CTNNA3: variants seen among roughly 807,000 people sequenced by gnomAD.
The protein encoded by CTNNA3 is catenin alpha-3.
A neutral mutation model predicts 95.7 loss-of-function variants in CTNNA3; 76 were observed. That is an observed-to-expected ratio of 0.79 (90% confidence interval 0.66 to 0.96). CTNNA3 has a LOEUF of 0.96. Ranked by LOEUF, CTNNA3 falls within the 40% of genes least tolerant of loss-of-function variation. CTNNA3 has a pLI of 0.00. For synonymous variants in CTNNA3, 431 were observed against 374.4 expected (o/e 1.15, Z -1.74); for missense variants, 1,191 against 1,089.8 (o/e 1.09, Z -1.31).
At chr10:67,275,438 T>C (rs1022071998) in intron 5 of CTNNA3, among the ~76,000 whole-genome samples, 2 of 152,112 alleles carry the variant, frequency 1.3e-5, no homozygotes, top group African/African-American at 4.8e-5. Context: ...CAGCTACATA[T>C]TACCTGGAGG....
intron 6 of CTNNA3, among the ~76,000 whole-genome samples, chr10:67,203,517 G>A (rs2132217584): frequency 6.6e-6 from 1 of 152,230 alleles, no homozygotes; most frequent in Non-Finnish European, 1.5e-5. Context: ...ATTCTTCCAA[G>A]CATAGATCCA....
At chr10:67,379,403 C>G (rs899957542) in intron 5 of CTNNA3, among the ~76,000 whole-genome samples, 1 of 152,058 alleles carries the variant, frequency 6.6e-6, no homozygotes, top group Non-Finnish European at 1.5e-5. Context: ...ATGCTATGAT[C>G]CTTATGAAAG....
intron 9 of CTNNA3, among the ~76,000 whole-genome samples, chr10:66,758,201 C>A (rs1184798067): frequency 1.3e-5 from 2 of 152,030 alleles, no homozygotes; most frequent in African/African-American, 2.4e-5. Context: ...CTTTCAATGC[C>A]AGGAATGGAG....
chr10:67,281,883 C>T (rs935270683), intron 5 of CTNNA3, among the ~76,000 whole-genome samples: 35 of 152,080 alleles, frequency 2.3e-4, no homozygotes, highest in African/African-American at 8.4e-4. Flanking sequence ...GGAAAAGATC[C>T]TTGGATTATG....
In CTNNA3 at chr10:67,521,858, G is replaced by A. The variant is rs1839997807; in HGVS notation, c.563C>T (p.Ala188Val). The A allele has an allele frequency of 1.9e-6, 3 of 1,613,284 alleles. No homozygotes were observed. In the African/African-American group the frequency reaches 4.0e-5, roughly 22 times the overall value. The change falls in exon 5 of 18, where the codon GCC (alanine) becomes GTC (valine). Residue 188 changes from alanine (A) to valine (V), a missense_variant. Transcript: ENST00000433211. The part of the protein sequence containing the change: ...GKELENLDYL[A>V]FKRQQDLKSP... ...GACTCCTACCTGCTGACGTTTGAAG[G>A]CTAAATAATCCAAATTTTCCAGCTC... is the stretch of plus-strand genomic sequence containing the variant.
chr10:67,592,733 C>A (rs1037079289), intron 3 of CTNNA3, among the ~76,000 whole-genome samples: 9 of 152,084 alleles, frequency 5.9e-5, no homozygotes, highest in African/African-American at 2.2e-4. Flanking sequence ...CCACTGCTAG[C>A]AATAATAAGA....
intron 11 of CTNNA3, among the ~76,000 whole-genome samples, chr10:66,516,056 A>G (rs1843665): frequency 0.53 from 69,326 of 131,830 alleles, 17,883 homozygotes; most frequent in East Asian, 0.83. Flanking sequence ...ACTATGATTA[A>G]TTATCTGGAA....
chr10:66,103,191 T>C lies in CTNNA3; in HGVS notation c.1943A>G (p.His648Arg). The change falls in exon 14 of 18, where the codon CAC (histidine) becomes CGC (arginine). Residue 648 changes from histidine to arginine, a missense_variant. Physicochemically the swap from His to Arg is conservative, Grantham distance 29. Coordinates refer to ENST00000433211, the MANE Select transcript of CTNNA3 (RefSeq NM_013266.4). ...DLEEEHEVRSHTSIQTEGKTD... is the reference protein window; with the variant it reads ...DLEEEHEVRSRTSIQTEGKTD... ...TTTCCCTTCGGTCTGAATGCTGGTG[T>C]GACTGCGGACCTCGTGTTCCTCTTC... 6.2e-7 allele frequency: 1 copy of C among 1,614,116 alleles called. No individual in the cohort carries two copies. Among genetic ancestry groups the C allele is most frequent in the Non-Finnish European group, 8.5e-7 (1 of 1,179,996 alleles).
chr10:66,990,734 T>A (rs1285665681), intron 7 of CTNNA3, among the ~76,000 whole-genome samples: 3 of 152,200 alleles, frequency 2.0e-5, no homozygotes, highest in Admixed American at 2.0e-4. Context: ...TTCATGTAGA[T>A]AATCTGGAAT....
chr10:66,287,162 G>T (rs1470258395), intron 12 of CTNNA3, among the ~76,000 whole-genome samples: 1 of 152,012 alleles, frequency 6.6e-6, no homozygotes. Context: ...AGGCATGGTG[G>T]CATGTGCCTG....
intron 9 of CTNNA3, among the ~76,000 whole-genome samples, chr10:66,649,170 G>A (rs911615435): frequency 6.6e-6 from 1 of 152,116 alleles, no homozygotes; most frequent in African/African-American, 2.4e-5. Flanking sequence ...TGATTTCAGT[G>A]GAGAATGCGA....
Position 67,393,198 on chromosome 10 carries a change from C to T in CTNNA3, c.579+128644G>A, listed in dbSNP as rs184718662. ...AGAAACTGCTGAATTCAAAATCTGC[C>T]AACAATACCATCTGTGTGCTACAGA... On this transcript the variant is annotated intron_variant, in intron 5 of 17. Coordinates refer to ENST00000433211, the MANE Select transcript of CTNNA3 (RefSeq NM_013266.4). Among the ~76,000 whole-genome samples, 29 of 152,156 alleles carry T rather than the reference C, an allele frequency of 1.9e-4. No individual in the cohort carries two copies. In the East Asian group the frequency reaches 5.4e-3, roughly 28 times the overall value.
chr10:67,743,238 T>C (rs1192712911), intron 1 of CTNNA3, among the ~76,000 whole-genome samples: 1 of 151,166 alleles, frequency 6.6e-6, no homozygotes, highest in Non-Finnish European at 1.5e-5. Flanking sequence ...TGAACATTGA[T>C]GCAAAAATCC....
At chr10:67,605,502 G>A (rs989401554) in intron 3 of CTNNA3, among the ~76,000 whole-genome samples, 1 of 152,074 alleles carries the variant, frequency 6.6e-6, no homozygotes, top group Admixed American at 6.5e-5. Flanking sequence ...TACTAAAGGA[G>A]TAGATTTAGA....
intron 1 of CTNNA3, among the ~76,000 whole-genome samples, chr10:67,689,521 G>C (rs577743386): frequency 1.3e-5 from 2 of 152,268 alleles, no homozygotes; most frequent in East Asian, 3.9e-4. Context: ...GAGGCGAGAG[G>C]AAGTTTGTCT....
intron 17 of CTNNA3, among the ~76,000 whole-genome samples, chr10:65,966,132 C>T (rs2077959686): frequency 1.3e-5 from 2 of 152,224 alleles, no homozygotes; most frequent in East Asian, 1.9e-4. Flanking sequence ...TTTTATCATA[C>T]TCCATTTCTG....
At position 65,920,381 on chromosome 10, in the gene CTNNA3, T is replaced by G; in HGVS notation, c.2637A>C (p.Lys879Asn). ...CACTCATGACTTGCAATGGATGGAT[T>G]TTTTTCTTTGCTGAGCCTCGTCTGA... ...AAVRRGSAKK[K>N]IHPLQVMSEF... Residue 879 changes from lysine (K) to asparagine (N), a missense_variant, in exon 18 of 18, where the codon AAA becomes AAC. Physicochemically the swap from Lys to Asn is moderately conservative, Grantham distance 94. Transcript: ENST00000433211. 6.2e-7 allele frequency: 1 copy of G among 1,614,104 alleles called. No individual in the cohort carries two copies. The highest frequency in any genetic ancestry group is 8.5e-7 in the Non-Finnish European group (1 of 1,180,008).
chr10:66,990,352 T>C (rs1850977022), intron 7 of CTNNA3, among the ~76,000 whole-genome samples: 1 of 152,200 alleles, frequency 6.6e-6, no homozygotes, highest in Non-Finnish European at 1.5e-5. Flanking sequence ...TTCTCCTCTA[T>C]GCTGAATTAA....
At chr10:66,770,851 ATTAACAGTAT>A (rs1251275388) in intron 8 of CTNNA3, among the ~76,000 whole-genome samples, 1 of 4,010 alleles carries the variant, frequency 2.5e-4, no homozygotes, top group Non-Finnish European at 3.6e-4. Flanking sequence ...ATTTTAATAA[ATTAACAGTAT>A]TTAAATTTTA....
Sources: allele counts gnomAD v4.1 joint callset (sites outside exome capture counted in the v4.1 genomes callset), GRCh38; gene constraint gnomAD v4.1.1; transcripts MANE v1.5; gene names NCBI Gene and HGNC (gene_info 2026-07-23, HGNC 2026-07-21).